Variants in PTPRD observed in about 807,000 individuals in gnomAD.
The protein encoded by PTPRD is protein tyrosine phosphatase receptor type D.
Under a neutral mutation model 214.5 loss-of-function variants are expected in PTPRD, and 34 were observed. That is an observed-to-expected ratio of 0.16 (90% confidence interval 0.12 to 0.21). The LOEUF (loss-of-function observed/expected upper bound fraction) is 0.21. PTPRD is among the 10% of genes least tolerant of loss of function. The pLI is 1.00. For synonymous variants in PTPRD, 1,128 were observed against 845.7 expected (o/e 1.33, Z -5.79); for missense variants, 2,545 against 2,398.7 (o/e 1.06, Z -1.27).
At chr9:9,328,592 C>T (rs2040983891) in intron 9 of PTPRD, among the ~76,000 whole-genome samples, 1 of 112,182 alleles carries the variant, frequency 8.9e-6, no homozygotes, top group African/African-American at 3.2e-5. Context: ...TCTTTTTGAT[C>T]ACATTTTCTT....
intron 5 of PTPRD, among the ~76,000 whole-genome samples, 197 bp from the exon 6 acceptor site, chr9:9,767,048 T>C (rs2098712552): frequency 6.6e-6 from 1 of 151,766 alleles, no homozygotes; most frequent in Admixed American, 6.6e-5. Context: ...AAAGACAGAA[T>C]GCAAATACTC....
At chr9:8,805,620 G>A (rs898022775) in intron 11 of PTPRD, among the ~76,000 whole-genome samples, 1 of 150,162 alleles carries the variant, frequency 6.7e-6, no homozygotes, top group Non-Finnish European at 1.5e-5. Flanking sequence ...ATTTTTTTCC[G>A]AGATGGAGTT....
chr9:9,423,835 T>C (rs1295511901), intron 8 of PTPRD, among the ~76,000 whole-genome samples: 1 of 152,142 alleles, frequency 6.6e-6, no homozygotes, highest in African/African-American at 2.4e-5. Flanking sequence ...CTAGTTGATA[T>C]ACAGAGAAGA....
At chr9:8,563,932 C>A (rs2087643275) in intron 14 of PTPRD, among the ~76,000 whole-genome samples, 1 of 152,214 alleles carries the variant, frequency 6.6e-6, no homozygotes, top group Non-Finnish European at 1.5e-5. Flanking sequence ...TCCCAAAGTG[C>A]TGGGATTGCA....
chr9:8,556,441 T>A (rs1160314190), intron 14 of PTPRD, among the ~76,000 whole-genome samples: 1 of 152,182 alleles, frequency 6.6e-6, no homozygotes, highest in African/African-American at 2.4e-5. Context: ...TTCTAATGCT[T>A]GGAAATGGCT....
intron 4 of PTPRD, among the ~76,000 whole-genome samples, chr9:9,962,261 T>C (rs1230915155): frequency 1.3e-5 from 2 of 152,056 alleles, no homozygotes; most frequent in South Asian, 2.1e-4. Flanking sequence ...ATGCTAAGTT[T>C]GAGGTTCATT....
chr9:8,544,099 T>C (rs966389333), intron 14 of PTPRD, among the ~76,000 whole-genome samples: 1 of 151,966 alleles, frequency 6.6e-6, no homozygotes, highest in Non-Finnish European at 1.5e-5. Context: ...AGACTTCCAT[T>C]TGCTGGGAAC....
chr9:9,309,960 C>G lies in PTPRD; in HGVS notation c.-203+87489G>C, dbSNP rs530138855. Among the ~76,000 whole-genome samples, 40 of 151,474 alleles carry G rather than the reference C, an allele frequency of 2.6e-4. No homozygotes were observed. The South Asian group carries it at 8.0e-3, about 30-fold the overall frequency. ...ATAATGGTGTGAAGATTTTTTTTTC[C>G]CTTACATAGGATTAAGTTTAAAATC... On this transcript the variant is annotated intron_variant, in intron 9 of 45. Coordinates refer to ENST00000381196, the MANE Select transcript of PTPRD (RefSeq NM_002839.4).
intron 7 of PTPRD, among the ~76,000 whole-genome samples, chr9:9,602,783 C>A (rs2093873040): frequency 1.3e-5 from 2 of 152,138 alleles, no homozygotes; most frequent in South Asian, 2.1e-4. Flanking sequence ...CTGCTTTCCT[C>A]CTGGTCTTCT....
intron 14 of PTPRD, among the ~76,000 whole-genome samples, chr9:8,567,825 A>G (rs527612330): frequency 6.6e-6 from 1 of 152,144 alleles, no homozygotes; most frequent in Non-Finnish European, 1.5e-5. Flanking sequence ...GGTTCTATAC[A>G]TTTATTCATG....
intron 35 of PTPRD, among the ~76,000 whole-genome samples, chr9:8,429,883 G>A (rs2094929347): frequency 6.6e-6 from 1 of 152,166 alleles, no homozygotes; most frequent in African/African-American, 2.4e-5. Context: ...CAGAAAGATT[G>A]CTCCGAGTTA....
At chr9:10,022,607 A>T (rs2096845467) in intron 4 of PTPRD, among the ~76,000 whole-genome samples, 1 of 152,214 alleles carries the variant, frequency 6.6e-6, no homozygotes, top group South Asian at 2.1e-4. Flanking sequence ...CACAGAATAA[A>T]AAACAAACTA....
chr9:8,772,118 A>T (rs2095252934), intron 11 of PTPRD, among the ~76,000 whole-genome samples: 1 of 151,730 alleles, frequency 6.6e-6, no homozygotes, highest in Admixed American at 6.6e-5. Flanking sequence ...CTTAAAAAAA[A>T]ACTATTCCTT....
chr9:8,558,643 G>A (rs988038795), intron 14 of PTPRD, among the ~76,000 whole-genome samples: 4 of 152,160 alleles, frequency 2.6e-5, no homozygotes, highest in Non-Finnish European at 4.4e-5. Flanking sequence ...GACAGTCAAC[G>A]GGCTTGGGCT....
At chr9:9,019,344 G>GAA (rs2099553420) in intron 10 of PTPRD, among the ~76,000 whole-genome samples, 2 of 111,488 alleles carry the variant, frequency 1.8e-5, no homozygotes, top group Non-Finnish European at 3.9e-5. Context: ...AAGAACGAAA[G>GAA]AAAGAAAGAA....
chr9:8,575,245 A>G (rs141095753), intron 14 of PTPRD, among the ~76,000 whole-genome samples: 89 of 152,248 alleles, frequency 5.8e-4, no homozygotes, highest in African/African-American at 2.0e-3. Flanking sequence ...TCATGAGAAA[A>G]GGAAAAAGGC....
At chr9:9,042,493 A>G (rs2099643105) in intron 10 of PTPRD, among the ~76,000 whole-genome samples, 1 of 152,148 alleles carries the variant, frequency 6.6e-6, no homozygotes, top group African/African-American at 2.4e-5. Flanking sequence ...GTCACCAGAG[A>G]AAGGAGAAAA....
At chr9:8,635,968 C>T (rs2096418896) in intron 13 of PTPRD, among the ~76,000 whole-genome samples, 1 of 152,192 alleles carries the variant, frequency 6.6e-6, no homozygotes, top group South Asian at 2.1e-4. Flanking sequence ...CTTCGCTGCA[C>T]TGAGCTCTCC....
intron 11 of PTPRD, among the ~76,000 whole-genome samples, chr9:8,907,533 A>G (rs868079907): frequency 1.7e-5 from 2 of 118,246 alleles, no homozygotes; most frequent in African/African-American, 6.6e-5. Flanking sequence ...AAAAAAAAAA[A>G]ATATATATAT....
Sources: gnomAD v4.1 joint callset for allele counts (sites outside exome capture counted in the v4.1 genomes callset) on GRCh38, gnomAD v4.1.1 for gene constraint, MANE v1.5 for transcripts, NCBI Gene and HGNC (gene_info 2026-07-23, HGNC 2026-07-21) for gene names.